KLHL32: variants seen among roughly 807,000 people sequenced by gnomAD.
KLHL32 encodes the protein kelch like family member 32, also known as kelch-like protein 32.
Under a neutral mutation model 64.8 loss-of-function variants are expected in KLHL32, and 35 were observed. The observed-to-expected ratio is 0.54, with a 90% CI of 0.41 to 0.72. The LOEUF (loss-of-function observed/expected upper bound fraction) is 0.72, where lower values mean the gene tolerates loss of function less well. KLHL32 is among the 30% of genes least tolerant of loss of function. The pLI, the probability that KLHL32 is intolerant of heterozygous loss-of-function variation, is 0.00. For missense variants in KLHL32, 589 were observed against 768.5 expected (o/e 0.77, Z 2.76); for synonymous variants, 259 against 281.0 (o/e 0.92, Z 0.78).
chr6:97,078,028 G>C (rs2128170870), intron 5 of KLHL32, among the ~76,000 whole-genome samples: 1 of 152,194 alleles, frequency 6.6e-6, no homozygotes, highest in East Asian at 1.9e-4. Flanking sequence ...CAGTGATAAA[G>C]AGCCTTATAC....
At chr6:97,044,626 A>G (rs984445630) in intron 4 of KLHL32, among the ~76,000 whole-genome samples, 2 of 151,980 alleles carry the variant, frequency 1.3e-5, no homozygotes, top group Non-Finnish European at 2.9e-5. Context: ...GTGATGCTAT[A>G]AGGTCCTAGA....
At chr6:97,105,618 C>T (rs1796306213) in intron 6 of KLHL32, 1 of 420,188 alleles carries the variant, frequency 2.4e-6, no homozygotes, top group Admixed American at 2.9e-5. Context: ...CCAGATTTTA[C>T]ATAGGAACAT....
intron 3 of KLHL32, among the ~76,000 whole-genome samples, chr6:96,986,469 G>T (rs1000334246): frequency 6.6e-6 from 1 of 152,206 alleles, no homozygotes; most frequent in Non-Finnish European, 1.5e-5. Context: ...TGCCCCCAGA[G>T]GTGGAGTCTA....
chr6:97,071,789 G>C (rs1790766499), intron 5 of KLHL32, among the ~76,000 whole-genome samples: 1 of 151,984 alleles, frequency 6.6e-6, no homozygotes, highest in Admixed American at 6.6e-5. Flanking sequence ...TCTCCTCCTT[G>C]TCATTGACGT....
At chr6:97,087,040 G>C (rs904507008) in intron 6 of KLHL32, among the ~76,000 whole-genome samples, 14 of 152,130 alleles carry the variant, frequency 9.2e-5, no homozygotes, top group African/African-American at 3.4e-4. Context: ...ATCCACTTAA[G>C]AGTTATCATA....
intron 3 of KLHL32, among the ~76,000 whole-genome samples, chr6:97,023,079 C>G (rs980803666): frequency 2.0e-5 from 3 of 152,166 alleles, no homozygotes; most frequent in Non-Finnish European, 4.4e-5. Flanking sequence ...ATCCAATCAC[C>G]TCCCACCAGG....
chr6:96,994,596 C>A (rs1338736052), intron 3 of KLHL32: 3 of 985,106 alleles, frequency 3.0e-6, no homozygotes, highest in Non-Finnish European at 3.6e-6. Context: ...TGGATCTTTT[C>A]CTTTATATTG....
Position 97,027,513 on chromosome 6 carries a change from C to T in KLHL32, c.205-13979C>T, listed in dbSNP as rs563908589. ...AGCTTTGAGGTAGCCACATGAAATT[C>T]GTCTTAAGGAAAATTGATAAGAAGG... On this transcript the variant is annotated intron_variant, in intron 3 of 10. Transcript: ENST00000369261. 6.8e-4 allele frequency among the ~76,000 whole-genome samples: 104 copies of T among 152,148 alleles called. 1 individual carries two copies. Among genetic ancestry groups the T allele is most frequent in the African/African-American group, 2.5e-3 (102 of 41,514 alleles).
intron 1 of KLHL32, among the ~76,000 whole-genome samples, chr6:96,962,419 C>A (rs192503409): frequency 1.1e-4 from 16 of 152,156 alleles, no homozygotes; most frequent in Admixed American, 9.2e-4. Flanking sequence ...TGCTGTGTTT[C>A]TGGGGGTTAA....
chr6:96,984,145 G>A (rs1389720509), intron 3 of KLHL32, among the ~76,000 whole-genome samples: 3 of 152,196 alleles, frequency 2.0e-5, no homozygotes, highest in Admixed American at 2.0e-4. Flanking sequence ...ATGCCCAGTA[G>A]TCATTCAGGA....
chr6:96,955,827 C>T (rs926200648), intron 1 of KLHL32, among the ~76,000 whole-genome samples: 1 of 152,122 alleles, frequency 6.6e-6, no homozygotes, highest in Admixed American at 6.6e-5. Flanking sequence ...ATCCCAGCTA[C>T]TCAGGAGGCT....
intron 3 of KLHL32, among the ~76,000 whole-genome samples, chr6:96,987,097 T>C (rs1777200910): frequency 6.6e-6 from 1 of 152,222 alleles, no homozygotes; most frequent in Non-Finnish European, 1.5e-5. Context: ...CATTCTTCTC[T>C]CTTTTCTTCT....
intron 8 of KLHL32, 63 bp from the exon 9 acceptor site, chr6:97,130,694 C>A: frequency 7.5e-7 from 1 of 1,336,534 alleles, no homozygotes; most frequent in Non-Finnish European, 1.0e-6. Context: ...ATGAGGCACT[C>A]GTTGCTGTTT....
At chr6:96,904,445 G>A in the KLHL32 span, among the ~76,000 whole-genome samples, 2 of 151,444 alleles carry the variant, frequency 1.3e-5, no homozygotes, top group Non-Finnish European at 2.9e-5. Context: ...AAATAAACTT[G>A]AAATATGTGT....
At chr6:97,109,818 C>T (rs911653765) in intron 6 of KLHL32, among the ~76,000 whole-genome samples, 3 of 152,136 alleles carry the variant, frequency 2.0e-5, no homozygotes, top group African/African-American at 4.8e-5. Flanking sequence ...GGATGCAGAA[C>T]TGTAAGGATA....
At chr6:97,098,580 A>G (rs1795296740) in intron 6 of KLHL32, among the ~76,000 whole-genome samples, 1 of 152,192 alleles carries the variant, frequency 6.6e-6, no homozygotes, top group South Asian at 2.1e-4. Flanking sequence ...AAAGAGAGTC[A>G]TTAGGTGATC....
chr6:96,953,785 T>G (rs1300075321), intron 1 of KLHL32, among the ~76,000 whole-genome samples: 2 of 151,760 alleles, frequency 1.3e-5, no homozygotes, highest in Non-Finnish European at 2.9e-5. Context: ...AATCTAAATG[T>G]TATTTATATA....
chr6:96,927,694 A>T (rs139229205), intron 1 of KLHL32, among the ~76,000 whole-genome samples: 1 of 152,356 alleles, frequency 6.6e-6, no homozygotes, highest in African/African-American at 2.4e-5. Context: ...CTCTGGAAAG[A>T]TGCCTTAACA....
At chr6:96,943,396 A>C (rs2223614) in intron 1 of KLHL32, among the ~76,000 whole-genome samples, 33,597 of 151,906 alleles carry the variant, frequency 0.22, 3,924 homozygotes, top group Admixed American at 0.27. Context: ...AAAAAAAAAA[A>C]AAAAACCTTA....
Sources: gnomAD v4.1 joint callset for allele counts (sites outside exome capture counted in the v4.1 genomes callset) on GRCh38, gnomAD v4.1.1 for gene constraint, MANE v1.5 for transcripts, NCBI Gene and HGNC (gene_info 2026-07-23, HGNC 2026-07-21) for gene names.